KRCC1: variants seen among roughly 807,000 people sequenced by gnomAD.
KRCC1 encodes the protein lysine-rich coiled-coil protein 1.
A neutral mutation model predicts 7.4 loss-of-function variants in KRCC1; 3 were observed. The observed-to-expected ratio is 0.40, with a 90% CI of 0.18 to 1.04. KRCC1 has a LOEUF of 1.04. Ranked by LOEUF, KRCC1 falls within the 50% of genes least tolerant of loss-of-function variation. The pLI, the probability that KRCC1 is intolerant of heterozygous loss-of-function variation, is 0.33. For synonymous variants in KRCC1, 102 were observed against 101.6 expected, an observed-to-expected ratio of 1.00 and a Z score of -0.02; for missense variants, 277 against 300.9, an observed-to-expected ratio of 0.92 and a Z score of 0.59.
chr2:88,030,106 C>T (rs546496689), intron 3 of KRCC1, among the ~76,000 whole-genome samples: 1 of 150,950 alleles, frequency 6.6e-6, no homozygotes, highest in East Asian at 2.0e-4. Context: ...CCTCGGCCTC[C>T]CAAAGTGCTG....
chr2:88,054,803 T>C (rs754001741), intron 1 of KRCC1, among the ~76,000 whole-genome samples: 4 of 152,148 alleles, frequency 2.6e-5, no homozygotes, highest in Non-Finnish European at 5.9e-5. Flanking sequence ...CTGACATTGG[T>C]AGGTACATAT....
At chr2:88,054,543 T>C (rs1014544714) in intron 1 of KRCC1, among the ~76,000 whole-genome samples, 1 of 152,196 alleles carries the variant, frequency 6.6e-6, no homozygotes, top group Non-Finnish European at 1.5e-5. Flanking sequence ...GATAGTATTT[T>C]ATCTTAGATA....
At chr2:88,041,402 A>C (rs992808060) in intron 1 of KRCC1, among the ~76,000 whole-genome samples, 2 of 152,252 alleles carry the variant, frequency 1.3e-5, no homozygotes, top group Non-Finnish European at 2.9e-5. Context: ...TTCAAAAAGC[A>C]GTGAATTTGA....
intron 2 of KRCC1, 83 bp downstream of exon 2, chr2:88,036,860 A>T (rs1264280245): frequency 6.6e-6 from 1 of 152,188 alleles, no homozygotes; most frequent in Non-Finnish European, 1.5e-5. Context: ...TCTTGTATGG[A>T]TTAAATAAGA....
chr2:88,053,139 T>A (rs1673533850), intron 1 of KRCC1, among the ~76,000 whole-genome samples: 1 of 151,954 alleles, frequency 6.6e-6, no homozygotes, highest in South Asian at 2.1e-4. Flanking sequence ...CATTCCTAGA[T>A]GAGAGTCACT....
chr2:88,047,598 G>A (rs1426028574), intron 1 of KRCC1, among the ~76,000 whole-genome samples: 1 of 152,060 alleles, frequency 6.6e-6, no homozygotes. Context: ...GCGTGATCTT[G>A]GCTCACTGCA....
At chr2:88,053,993 C>G (rs1052320151) in intron 1 of KRCC1, among the ~76,000 whole-genome samples, 1 of 152,156 alleles carries the variant, frequency 6.6e-6, no homozygotes, top group Non-Finnish European at 1.5e-5. Flanking sequence ...TTACTTAGGT[C>G]TTCTGCAGTG....
chr2:88,037,960 T>A (rs1673126486), intron 1 of KRCC1, among the ~76,000 whole-genome samples: 1 of 152,214 alleles, frequency 6.6e-6, no homozygotes, highest in African/African-American at 2.4e-5. Context: ...TTATAGAAGT[T>A]TACCAGTTTA....
chr2:88,046,230 A>G (rs1374255361), intron 1 of KRCC1, among the ~76,000 whole-genome samples: 1 of 152,206 alleles, frequency 6.6e-6, no homozygotes, highest in Non-Finnish European at 1.5e-5. Flanking sequence ...AGATATAGGA[A>G]GCCTGGAATC....
chr2:88,036,293 C>T (rs780916660), intron 2 of KRCC1, among the ~76,000 whole-genome samples: 7 of 152,136 alleles, frequency 4.6e-5, no homozygotes, highest in Non-Finnish European at 1.0e-4. Context: ...ACTATTCTTT[C>T]TCCAGGATAC....
At chr2:88,039,069 T>C (rs1425372484) in intron 1 of KRCC1, among the ~76,000 whole-genome samples, 2 of 152,124 alleles carry the variant, frequency 1.3e-5, no homozygotes, top group African/African-American at 4.8e-5. Flanking sequence ...ATCTTGTGTG[T>C]TAGCTCAGTA....
chr2:88,034,954 C>T (rs1673064259), intron 2 of KRCC1, among the ~76,000 whole-genome samples: 1 of 151,906 alleles, frequency 6.6e-6, no homozygotes, highest in South Asian at 2.1e-4. Flanking sequence ...TTTTTTTTTA[C>T]CCTGGAATAA....
intron 3 of KRCC1, among the ~76,000 whole-genome samples, chr2:88,031,032 A>G (rs1672981091): frequency 6.6e-6 from 1 of 151,958 alleles, no homozygotes; most frequent in Non-Finnish European, 1.5e-5. Flanking sequence ...AGATTTGATA[A>G]CTGGTTTATG....
Position 88,028,173 on chromosome 2 carries a change from C to T in KRCC1, c.391G>A (p.Gly131Ser), listed in dbSNP as rs74430106. ...TGCTTGTAAACTCTATGTTCTACAC[C>T]ATGTGAGCCACAAATATATTCTTGT... ...NQQEYICGSH[G>S]VEHRVYKHFS... The change falls in exon 4 of 4, where the codon GGT becomes AGT. Residue 131 changes from glycine (G) to serine (S), a missense_variant. Coordinates refer to ENST00000347055, the MANE Select transcript of KRCC1 (RefSeq NM_016618.3). 22 of 1,614,110 alleles carry T rather than the reference C, an allele frequency of 1.4e-5. No homozygotes were observed. In the East Asian group the frequency reaches 4.2e-4, roughly 31 times the overall value.
At chr2:88,028,637 C>G (rs1160673516) in intron 3 of KRCC1, 52 bp from the exon 4 acceptor site, 11 of 814,616 alleles carry the variant, frequency 1.4e-5, no homozygotes, top group Non-Finnish European at 1.6e-5. Flanking sequence ...TGAGCATTTC[C>G]TTTGCTCTTT....
chr2:88,031,576 C>T (rs993793132), intron 3 of KRCC1, among the ~76,000 whole-genome samples: 9 of 151,330 alleles, frequency 5.9e-5, no homozygotes, highest in African/African-American at 1.9e-4. Context: ...GAGCCGAGAT[C>T]GTGCCACTGC....
chr2:88,052,297 CAG>C lies in KRCC1; in HGVS notation c.-291+3327_-291+3328del, dbSNP rs1207622831. Among the ~76,000 whole-genome samples the C allele has an allele frequency of 2.0e-5, 3 of 152,200 alleles. No homozygotes were observed. In the East Asian group the frequency reaches 5.8e-4, roughly 29 times the overall value. ...TGTCCAATACTGGAAGTGTAAACTG[CAG>C]AGACTGAGAGTTCTAATTTGTCTTA... On this transcript the variant is annotated intron_variant, in intron 1 of 3. Coordinates refer to ENST00000347055, the MANE Select transcript of KRCC1 (RefSeq NM_016618.3).
At chr2:88,043,997 A>T (rs972178383) in intron 1 of KRCC1, among the ~76,000 whole-genome samples, 8 of 152,126 alleles carry the variant, frequency 5.3e-5, no homozygotes, top group African/African-American at 1.9e-4. Context: ...TTTTATCCTC[A>T]TAAGAACTCT....
At chr2:88,055,027 A>G (rs1326234899) in intron 1 of KRCC1, among the ~76,000 whole-genome samples, 3 of 152,090 alleles carry the variant, frequency 2.0e-5, no homozygotes, top group Non-Finnish European at 4.4e-5. Context: ...AGACGGGCCT[A>G]TAAATCTTAG....
Sources: allele counts gnomAD v4.1 joint callset (sites outside exome capture counted in the v4.1 genomes callset), GRCh38; gene constraint gnomAD v4.1.1; transcripts MANE v1.5; gene names NCBI Gene and HGNC (gene_info 2026-07-23, HGNC 2026-07-21).